WHRN: variants seen among roughly 807,000 people sequenced by gnomAD.
The protein encoded by WHRN is whirlin, also known as CASK-interacting protein CIP98.
A neutral mutation model predicts 68.3 loss-of-function variants in WHRN; 41 were observed. The ratio of observed to expected loss-of-function variants is 0.60; its 90% CI spans 0.47 to 0.78. The LOEUF is 0.78. Among genes scored for constraint, WHRN ranks in the 30% least tolerant of loss-of-function variants. The pLI, the probability that WHRN is intolerant of heterozygous loss-of-function variation, is 0.00. For synonymous variants in WHRN, 560 were observed against 561.3 expected, an observed-to-expected ratio of 1.00 and a Z score of 0.03; for missense variants, 1,243 against 1,244.7, an observed-to-expected ratio of 1.00 and a Z score of 0.02.
At chr9:114,477,277 C>T (rs1464941257) in intron 2 of WHRN, among the ~76,000 whole-genome samples, 1 of 152,222 alleles carries the variant, frequency 6.6e-6, no homozygotes, top group Non-Finnish European at 1.5e-5. Flanking sequence ...TGGCACTTGG[C>T]CCAGAGCCCC....
chr9:114,474,990 C>G (rs1467288106), intron 2 of WHRN, among the ~76,000 whole-genome samples: 1 of 152,118 alleles, frequency 6.6e-6, no homozygotes, highest in Non-Finnish European at 1.5e-5. Flanking sequence ...ACTCTCAAAA[C>G]AACAGAATAA....
rs898971582 is a variant in WHRN, at chr9:114,402,225, G to A, written c.*529C>T. The A allele has an allele frequency of 1.2e-5, 2 of 172,994 alleles. No homozygotes were observed. The highest frequency in any genetic ancestry group is 4.8e-5 in the African/African-American group (2 of 42,012). The allele number at this position is 172,994 out of a possible 1,614,324, so 10.7% of individuals were successfully genotyped here. Reference sequence around the variant, plus strand: ...GGGCCTTGGGGTCCCCAGGGGCATGGGGAGGGAAATAAATAATAAACACCA... The same window carrying A: ...GGGCCTTGGGGTCCCCAGGGGCATGAGGAGGGAAATAAATAATAAACACCA... On this transcript the variant is annotated 3_prime_UTR_variant, in exon 12 of 12. Transcript: ENST00000362057.
chr9:114,429,347 A>T (rs1228947689), intron 3 of WHRN, among the ~76,000 whole-genome samples: 1 of 152,178 alleles, frequency 6.6e-6, no homozygotes. Context: ...ATGGTTTCAA[A>T]GACAATCAGA....
intron 1 of WHRN, chr9:114,491,739 G>A (rs1241842815): frequency 1.1e-5 from 3 of 270,548 alleles, no homozygotes; most frequent in South Asian, 7.9e-5. Context: ...AGGAACCCAA[G>A]TAGCTTTGTG....
At chr9:114,499,242 AC>A in intron 1 of WHRN, among the ~76,000 whole-genome samples, 1 of 152,268 alleles carries the variant, frequency 6.6e-6, no homozygotes, top group Admixed American at 6.5e-5. Flanking sequence ...TATTCTCTGC[AC>A]CCTTTCCGCT....
intron 1 of WHRN, among the ~76,000 whole-genome samples, chr9:114,496,203 GCAGCTGATC>G (rs1843443789): frequency 6.6e-6 from 1 of 152,168 alleles, no homozygotes; most frequent in Admixed American, 6.5e-5. Context: ...AGTTATGGAT[GCAGCTGATC>G]CAGGGGACAA....
intron 7 of WHRN, among the ~76,000 whole-genome samples, chr9:114,409,636 C>T (rs1327914311): frequency 4.0e-5 from 6 of 149,094 alleles, no homozygotes; most frequent in Admixed American, 6.6e-5. Flanking sequence ...CTCACATCCT[C>T]TCCAGCCAGG....
intron 3 of WHRN, among the ~76,000 whole-genome samples, chr9:114,428,146 G>A (rs1342607463): frequency 6.6e-6 from 1 of 152,146 alleles, no homozygotes; most frequent in Non-Finnish European, 1.5e-5. Context: ...TGGCCAACAT[G>A]GCAAAATGCT....
Position 114,452,184 on chromosome 9 carries a change from T to C in WHRN, c.963+14083A>G, listed in dbSNP as rs183544396. 7.2e-5 allele frequency among the ~76,000 whole-genome samples: 11 copies of C among 152,364 alleles called. No individual in the cohort carries two copies. In the East Asian group the frequency reaches 1.5e-3, roughly 21 times the overall value. On this transcript the variant is annotated intron_variant, in intron 3 of 11. Coordinates refer to ENST00000362057, the MANE Select transcript of WHRN (RefSeq NM_015404.4). ...TTTCCTGTTATCACCACTACCCTCA[T>C]GCTGCTGTATCTTCTGCCATTTTCA...
chr9:114,406,498 A>G lies in WHRN; in HGVS notation c.2093T>C (p.Val698Ala). The change falls in exon 9 of 12, where the codon GTG becomes GCG. Residue 698 changes from valine to alanine, a missense_variant. Coordinates refer to ENST00000362057, the MANE Select transcript of WHRN (RefSeq NM_015404.4). ...HLKSPSAEATVAGGCLLPPSP... is the reference protein window; with the variant it reads ...HLKSPSAEATAAGGCLLPPSP... ...TGGGGGCAGAAGGCAGCCCCCAGCC[A>G]CTGTGGCCTCTGCAGAGGGGCTTTT... The G allele has an allele frequency of 4.3e-6, 7 of 1,614,160 alleles. No individual in the cohort carries two copies. The highest frequency in any genetic ancestry group is 5.9e-6 in the Non-Finnish European group (7 of 1,180,040).
intron 1 of WHRN, among the ~76,000 whole-genome samples, chr9:114,490,672 C>T (rs1031701057): frequency 6.6e-6 from 1 of 152,102 alleles, no homozygotes; most frequent in African/African-American, 2.4e-5. Flanking sequence ...GGAAGAAAGA[C>T]CTGACATTTT....
chr9:114,486,176 C>T (rs1049767211), intron 1 of WHRN, among the ~76,000 whole-genome samples: 3 of 152,260 alleles, frequency 2.0e-5, no homozygotes, highest in East Asian at 1.9e-4. Context: ...CTCTAAACCT[C>T]GAATCTATAT....
chr9:114,414,411 T>C (rs1473052104), intron 7 of WHRN, among the ~76,000 whole-genome samples: 1 of 152,248 alleles, frequency 6.6e-6, no homozygotes, highest in Non-Finnish European at 1.5e-5. Context: ...CATTTAAAGC[T>C]TTATTCTAAG....
In WHRN at chr9:114,473,096, G is replaced by A. The variant is rs559405055; in HGVS notation, c.837+5457C>T. Among the ~76,000 whole-genome samples the A allele has an allele frequency of 7.9e-5, 12 of 152,364 alleles. No homozygotes were observed. The East Asian group carries it at 1.2e-3, about 15-fold the overall frequency. On this transcript the variant is annotated intron_variant, in intron 2 of 11. Transcript: ENST00000362057. ...GCTGCTGGAGACACATGAGCTTGGCGGAGTGGCTGCTTCTGCTGCAGCAGG... is the reference window on the plus strand; with the variant it reads ...GCTGCTGGAGACACATGAGCTTGGCAGAGTGGCTGCTTCTGCTGCAGCAGG...
At chr9:114,469,061 G>A (rs142576678) in intron 2 of WHRN, among the ~76,000 whole-genome samples, 5 of 152,338 alleles carry the variant, frequency 3.3e-5, no homozygotes, top group East Asian at 1.9e-4. Context: ...AACCAGTCAC[G>A]CTCACTTCCT....
intron 3 of WHRN, among the ~76,000 whole-genome samples, chr9:114,429,974 G>A (rs1338301280): frequency 6.6e-6 from 1 of 152,218 alleles, no homozygotes; most frequent in Non-Finnish European, 1.5e-5. Flanking sequence ...CTCTGAGCTG[G>A]AGCTGGCTGC....
chr9:114,500,740 C>A (rs548215599), intron 1 of WHRN, among the ~76,000 whole-genome samples: 24 of 152,312 alleles, frequency 1.6e-4, no homozygotes, highest in Admixed American at 1.0e-3. Context: ...TGAATGCTCC[C>A]AGGGCGGTGC....
At chr9:114,483,544 C>A (rs1290193105) in intron 1 of WHRN, among the ~76,000 whole-genome samples, 4 of 152,012 alleles carry the variant, frequency 2.6e-5, no homozygotes, top group African/African-American at 9.7e-5. Flanking sequence ...CCCTGAGGCT[C>A]AGGCCACCTG....
chr9:114,500,892 C>G (rs1322222191), intron 1 of WHRN, among the ~76,000 whole-genome samples: 1 of 152,252 alleles, frequency 6.6e-6, no homozygotes, highest in Non-Finnish European at 1.5e-5. Context: ...GGATGCTACA[C>G]AAGAGTGCCA....
Sources: allele counts gnomAD v4.1 joint callset (sites outside exome capture counted in the v4.1 genomes callset), GRCh38; gene constraint gnomAD v4.1.1; transcripts MANE v1.5; gene names NCBI Gene and HGNC (gene_info 2026-07-23, HGNC 2026-07-21).